The following IQCB1 variants were observed in gnomAD, a reference collection of about 807,000 sequenced individuals.
IQCB1 encodes IQ motif containing B1.
In IQCB1, 56 loss-of-function variants were observed where a neutral mutation model predicts 84.4. That is an observed-to-expected ratio of 0.66 (90% CI 0.54 to 0.83). The LOEUF (loss-of-function observed/expected upper bound fraction) is 0.83. IQCB1 is among the 40% of genes least tolerant of loss of function. The probability of loss-of-function intolerance (pLI) is 0.00; values close to 1 mark genes in which losing one functional copy is unlikely to be tolerated. For synonymous variants in IQCB1, 210 were observed against 234.8 expected (o/e 0.89, Z 0.96); for missense variants, 629 against 682.1 (o/e 0.92, Z 0.87).
chr3:121,809,945 G>GA (rs11306812), intron 5 of IQCB1, among the ~76,000 whole-genome samples: 4,717 of 141,912 alleles, frequency 0.033, 118 homozygotes, highest in Non-Finnish European at 0.053. Context: ...TATAACAATG[G>GA]AAAAAAAAAA....
intron 10 of IQCB1, among the ~76,000 whole-genome samples, chr3:121,794,183 T>C (rs746137602): frequency 8.5e-5 from 13 of 152,144 alleles, no homozygotes; most frequent in Non-Finnish European, 1.6e-4. Flanking sequence ...CTTTGAGTAA[T>C]AATAGATGGA....
intron 7 of IQCB1, among the ~76,000 whole-genome samples, chr3:121,801,704 T>G (rs1949413352): frequency 6.6e-6 from 1 of 151,928 alleles, no homozygotes; most frequent in Admixed American, 6.6e-5. Context: ...TTCCTTGTAT[T>G]TCATTGTAGT....
chr3:121,822,283 A>G (rs1186969030), intron 5 of IQCB1, among the ~76,000 whole-genome samples: 3 of 152,058 alleles, frequency 2.0e-5, no homozygotes, highest in Non-Finnish European at 4.4e-5. Flanking sequence ...CTCTCTCCAT[A>G]TATCTTCTAT....
chr3:121,828,785 G>C (rs1439442673), intron 3 of IQCB1, 76 bp downstream of exon 3: 1 of 1,089,462 alleles, frequency 9.2e-7, no homozygotes, highest in Non-Finnish European at 1.4e-6. Context: ...AAATTTAAAA[G>C]AAATGTTAAA....
intron 9 of IQCB1, among the ~76,000 whole-genome samples, chr3:121,796,106 C>A (rs1434736043): frequency 6.6e-6 from 1 of 152,030 alleles, no homozygotes. Context: ...GCAAAGGGTA[C>A]AACTATTAAT....
chr3:121,799,954 G>A (rs1028024410), intron 7 of IQCB1, among the ~76,000 whole-genome samples: 1 of 151,736 alleles, frequency 6.6e-6, no homozygotes, highest in Non-Finnish European at 1.5e-5. Flanking sequence ...CCCCCTTAAG[G>A]AGTTATGTGA....
chr3:121,801,784 C>T (rs1949416458), intron 7 of IQCB1, among the ~76,000 whole-genome samples: 1 of 135,550 alleles, frequency 7.4e-6, no homozygotes, highest in Admixed American at 7.6e-5. Flanking sequence ...AGAAAGTTCC[C>T]TTGTATTACT....
intron 5 of IQCB1, among the ~76,000 whole-genome samples, chr3:121,811,482 A>G (rs531544824): frequency 6.6e-5 from 10 of 152,182 alleles, no homozygotes; most frequent in Admixed American, 2.0e-4. Context: ...AGCGGGTCCC[A>G]CTCCCACGGA....
In IQCB1 at chr3:121,816,215, A is replaced by G. The variant is rs532515658; in HGVS notation, c.394-7206T>C. The stretch of plus-strand genomic sequence containing the variant: ...ATGGTGCTGGGAAAACTGGCTAGCC[A>G]TACGCAGAAAACTGAAACTGGACCC... On this transcript the variant is annotated intron_variant, in intron 5 of 14. Coordinates refer to ENST00000310864, the MANE Select transcript of IQCB1 (RefSeq NM_001023570.4). Among the ~76,000 whole-genome samples, 3 of 152,330 alleles carry G rather than the reference A, an allele frequency of 2.0e-5. No individual in the cohort carries two copies. The East Asian group carries it at 5.8e-4, about 29-fold the overall frequency.
intron 2 of IQCB1, among the ~76,000 whole-genome samples, chr3:121,831,580 C>A (rs73181819): frequency 0.028 from 4,315 of 152,128 alleles, 87 homozygotes; most frequent in Middle Eastern, 0.044. Context: ...CAGGACTAAG[C>A]CCTAAACCTA....
At chr3:121,784,971 G>A (rs62268808) in intron 12 of IQCB1, among the ~76,000 whole-genome samples, 60,365 of 151,982 alleles carry the variant, frequency 0.4, 12,544 homozygotes, top group South Asian at 0.56. Flanking sequence ...CACCGTGCCC[G>A]GCCTTGTTTT....
rs981261149 is a variant in IQCB1, at chr3:121,788,581, G to A, written c.1130-149C>T. The A allele has an allele frequency of 1.3e-5, 10 of 782,928 alleles. No homozygotes were observed. The African/African-American group carries it at 1.7e-4, about 14-fold the overall frequency. 48.5% of individuals were successfully genotyped at this position (782,928 alleles called of 1,614,324 possible). ...TTCCCAATTCTACTATTTTACCATG[G>A]TTCTAAGATTTTAGAAACAAAGCTT... On this transcript the variant is annotated intron_variant, in intron 11 of 14. Coordinates refer to ENST00000310864, the MANE Select transcript of IQCB1 (RefSeq NM_001023570.4).
At position 121,788,504 on chromosome 3, in the gene IQCB1, G is replaced by A. The variant is rs1001912296; in HGVS notation, c.1130-72C>T. On this transcript the variant is annotated intron_variant, in intron 11 of 14. Coordinates refer to ENST00000310864, the MANE Select transcript of IQCB1 (RefSeq NM_001023570.4). ...TCTTAAGTTCTGGAATCAGGACAAT[G>A]ATAATAATAATCTTGCATTCTTTTT... 9 of 1,320,764 alleles carry A rather than the reference G, an allele frequency of 6.8e-6. No individual in the cohort carries two copies. In the Admixed American group the frequency reaches 1.4e-4, roughly 20 times the overall value. The allele number at this position is 1,320,764 out of a possible 1,614,324, so 81.8% of individuals were successfully genotyped here.
At chr3:121,803,487 T>C (rs1490583131) in intron 7 of IQCB1, among the ~76,000 whole-genome samples, 1 of 146,790 alleles carries the variant, frequency 6.8e-6, no homozygotes, top group African/African-American at 2.5e-5. Flanking sequence ...TCAGGTCAGA[T>C]TGGTTGATAT....
intron 5 of IQCB1, among the ~76,000 whole-genome samples, chr3:121,818,385 A>T (rs190101780): frequency 1.3e-5 from 2 of 152,288 alleles, no homozygotes; most frequent in African/African-American, 4.8e-5. Flanking sequence ...ATCATTTTTT[A>T]AAAAATCAAA....
At chr3:121,834,837 G>A (rs898919206) in intron 1 of IQCB1, 129 bp downstream of exon 1, 2 of 250,368 alleles carry the variant, frequency 8.0e-6, no homozygotes, top group Admixed American at 1.0e-4. Flanking sequence ...GTGGGCGTGA[G>A]GGCAGGCCGA....
intron 7 of IQCB1, among the ~76,000 whole-genome samples, chr3:121,803,700 C>A (rs1188064962): frequency 6.6e-6 from 1 of 152,088 alleles, no homozygotes; most frequent in African/African-American, 2.4e-5. Context: ...TATGAAATAA[C>A]CTTCTTTAGC....
chr3:121,834,213 A>G (rs1708124027), intron 2 of IQCB1, 178 bp downstream of exon 2: 1 of 152,252 alleles, frequency 6.6e-6, no homozygotes, highest in Admixed American at 6.5e-5. Flanking sequence ...TGCCTAAGGC[A>G]GAAGGTGAGG....
chr3:121,791,537 G>A (rs1948972903), intron 10 of IQCB1, among the ~76,000 whole-genome samples: 1 of 152,188 alleles, frequency 6.6e-6, no homozygotes, highest in Admixed American at 6.5e-5. Flanking sequence ...TGTGTCAAAA[G>A]ATTCCAGAGA....
Sources: gnomAD v4.1 joint callset for allele counts (sites outside exome capture counted in the v4.1 genomes callset) on GRCh38, gnomAD v4.1.1 for gene constraint, MANE v1.5 for transcripts, NCBI Gene and HGNC (gene_info 2026-07-23, HGNC 2026-07-21) for gene names.